Variants in MAEL observed in about 807,000 individuals in gnomAD.
The protein encoded by MAEL is maelstrom spermatogenic transposon silencer, also known as protein maelstrom homolog.
Under a neutral mutation model 62.0 loss-of-function variants are expected in MAEL, and 46 were observed. The ratio of observed to expected loss-of-function variants is 0.74; its 90% CI spans 0.59 to 0.95. The LOEUF (loss-of-function observed/expected upper bound fraction) is 0.95, where lower values mean the gene tolerates loss of function less well. MAEL is among the 40% of genes least tolerant of loss of function. The probability of loss-of-function intolerance (pLI) is 0.00; values close to 1 mark genes in which losing one functional copy is unlikely to be tolerated. For synonymous variants in MAEL, 172 were observed against 175.5 expected, an observed-to-expected ratio of 0.98 and a Z score of 0.16; for missense variants, 497 against 526.8, an observed-to-expected ratio of 0.94 and a Z score of 0.55.
chr1:167,013,600 T>C (rs1665260213), intron 8 of MAEL, among the ~76,000 whole-genome samples: 2 of 152,236 alleles, frequency 1.3e-5, no homozygotes, highest in Non-Finnish European at 2.9e-5. Context: ...TTTGCTTTTG[T>C]TCCCTGGATT....
At chr1:166,983,737 C>G (rs527758842) in intron 1 of MAEL, among the ~76,000 whole-genome samples, 1 of 151,850 alleles carries the variant, frequency 6.6e-6, no homozygotes, top group African/African-American at 2.4e-5. Context: ...AGCAGTGGCT[C>G]ACACCTGTAA....
chr1:166,988,495 C>T (rs1664002265), upstream of MAEL, among the ~76,000 whole-genome samples: 1 of 151,614 alleles, frequency 6.6e-6, no homozygotes, highest in South Asian at 2.1e-4. Flanking sequence ...GAAAGCTGAC[C>T]CGAGAAAGGA....
intron 8 of MAEL, among the ~76,000 whole-genome samples, chr1:167,013,368 A>G (rs1405587738): frequency 6.6e-6 from 1 of 152,192 alleles, no homozygotes; most frequent in Non-Finnish European, 1.5e-5. Flanking sequence ...ATGTGGGCAG[A>G]GGCTTTTCAA....
At chr1:166,985,069 A>T (rs905390070), upstream of MAEL, among the ~76,000 whole-genome samples, 6 of 152,192 alleles carry the variant, frequency 3.9e-5, no homozygotes, top group Non-Finnish European at 7.3e-5. Flanking sequence ...TATATGAAAC[A>T]ATGTTTCCAA....
chr1:166,991,589 C>T, intron 3 of MAEL, 112 bp downstream of exon 3: 2 of 659,116 alleles, frequency 3.0e-6, no homozygotes, highest in Admixed American at 2.3e-5. Flanking sequence ...AAGTAAATAA[C>T]TGCAAGTGTT....
At chr1:166,980,486 G>T (rs1232991480) in intron 1 of MAEL, among the ~76,000 whole-genome samples, 2 of 152,190 alleles carry the variant, frequency 1.3e-5, no homozygotes, top group African/African-American at 4.8e-5. Context: ...CAGGTGTTTT[G>T]TCAGGCCTGT....
chr1:166,990,787 T>G (rs1013277172), intron 2 of MAEL: 1 of 152,268 alleles, frequency 6.6e-6, no homozygotes. Flanking sequence ...TAATTGTTGG[T>G]GCTACCCTAC....
intron 1 of MAEL, among the ~76,000 whole-genome samples, chr1:166,983,007 T>C: frequency 6.6e-6 from 1 of 152,232 alleles, no homozygotes; most frequent in East Asian, 1.9e-4. Flanking sequence ...CACCCTAAAA[T>C]TGTACCCTCT....
At chr1:166,980,862 T>C (rs1392301000) in intron 1 of MAEL, among the ~76,000 whole-genome samples, 1 of 152,168 alleles carries the variant, frequency 6.6e-6, no homozygotes, top group African/African-American at 2.4e-5. Flanking sequence ...GTTTACACGA[T>C]GAAGCTGCCT....
chr1:167,005,298 T>A lies in MAEL; in HGVS notation c.746T>A (p.Val249Glu). ...CAACTTCTCACTGTAGAGGACCTTGTAGTGGGGATCTACCAACAAAAATTT... is the reference window on the plus strand; with the variant it reads ...CAACTTCTCACTGTAGAGGACCTTGAAGTGGGGATCTACCAACAAAAATTT... Reference protein sequence around the residue: ...DLQLLTVEDLVVGIYQQKFLK... With the variant: ...DLQLLTVEDLEVGIYQQKFLK... The change falls in exon 8 of 12, where the codon GTA becomes GAA. Residue 249 changes from valine to glutamate, a missense_variant. By Grantham distance (121) the Val-to-Glu change is moderately radical (BLOSUM62 -2). Coordinates refer to ENST00000367872, the MANE Select transcript of MAEL (RefSeq NM_032858.3). The A allele has an allele frequency of 1.9e-6, 3 of 1,613,684 alleles. No homozygotes were observed. Among genetic ancestry groups the A allele is most frequent in the Non-Finnish European group, 2.5e-6 (3 of 1,179,738 alleles).
chr1:167,006,115 G>A (rs72689333), intron 8 of MAEL: 1 of 151,918 alleles, frequency 6.6e-6, no homozygotes, highest in Non-Finnish European at 1.5e-5. Flanking sequence ...TGTGTGTATA[G>A]AACATTTATA....
Position 167,021,144 on chromosome 1 carries a change from A to T in MAEL, c.1101A>T (p.Arg367Ser), listed in dbSNP as rs1665612756. The T allele has an allele frequency of 6.2e-7, 1 of 1,612,094 alleles. No individual in the cohort carries two copies. The highest frequency in any genetic ancestry group is 8.5e-7 in the Non-Finnish European group (1 of 1,178,566). ...TCAACTCTTCTAATGAGGAACAAAG[A>T]TCAAACACACCCATTGGTAAGCAAC... is the stretch of plus-strand genomic sequence containing the variant. ...SHFNSSNEEQ[R>S]SNTPIGDYPS... is the part of the protein sequence containing the mutation. Residue 367 changes from arginine to serine, a missense_variant, in exon 11 of 12, where the codon AGA becomes AGT. Arg to Ser is a moderately radical substitution (Grantham distance 110). Coordinates refer to ENST00000367872, the MANE Select transcript of MAEL (RefSeq NM_032858.3).
At chr1:167,018,100 T>G in intron 10 of MAEL, 141 bp downstream of exon 10, 1 of 677,872 alleles carries the variant, frequency 1.5e-6, no homozygotes, top group Non-Finnish European at 2.3e-6. Flanking sequence ...TCATGGAATG[T>G]CAAACAGTTC....
chr1:166,993,548 A>C (rs1489464068), intron 4 of MAEL, among the ~76,000 whole-genome samples: 2 of 152,176 alleles, frequency 1.3e-5, no homozygotes, highest in African/African-American at 4.8e-5. Context: ...CTTTTTCCTC[A>C]TTTTTAGATG....
intron 5 of MAEL, among the ~76,000 whole-genome samples, chr1:166,996,317 A>G (rs1165454518): frequency 6.6e-6 from 1 of 152,208 alleles, no homozygotes; most frequent in African/African-American, 2.4e-5. Flanking sequence ...ATCTTTTATG[A>G]ACTATGAGTG....
At chr1:166,984,910 G>A (rs1663869222), upstream of MAEL, among the ~76,000 whole-genome samples, 1 of 152,130 alleles carries the variant, frequency 6.6e-6, no homozygotes, top group South Asian at 2.1e-4. Flanking sequence ...TAAATATTTG[G>A]TAGTTAAATC....
intron 5 of MAEL, among the ~76,000 whole-genome samples, chr1:166,996,432 T>G (rs1193181976): frequency 6.6e-6 from 1 of 152,216 alleles, no homozygotes; most frequent in East Asian, 1.9e-4. Context: ...AAATTCTGCT[T>G]TAAAACATCA....
At chr1:167,013,988 G>A (rs1665277469) in intron 8 of MAEL, among the ~76,000 whole-genome samples, 1 of 152,142 alleles carries the variant, frequency 6.6e-6, no homozygotes. Flanking sequence ...GCTCTGAGTA[G>A]AGACATGTTC....
intron 1 of MAEL, among the ~76,000 whole-genome samples, chr1:166,979,449 C>T (rs1211963287): frequency 2.0e-5 from 3 of 151,838 alleles, no homozygotes; most frequent in East Asian, 3.9e-4. Flanking sequence ...CTCTAGGCAC[C>T]GTATACTGAA....
Sources: allele counts gnomAD v4.1 joint callset (sites outside exome capture counted in the v4.1 genomes callset), GRCh38; gene constraint gnomAD v4.1.1; transcripts MANE v1.5; gene names NCBI Gene and HGNC (gene_info 2026-07-23, HGNC 2026-07-21).